Variants in SNRPC observed in about 807,000 individuals in gnomAD.
The protein encoded by SNRPC is small nuclear ribonucleoprotein polypeptide C, also known as U1 small nuclear ribonucleoprotein C.
A neutral mutation model predicts 20.0 loss-of-function variants in SNRPC; 5 were observed. That is an observed-to-expected ratio of 0.25 (90% CI 0.13 to 0.53). SNRPC has a LOEUF of 0.53. Ranked by LOEUF, SNRPC falls within the 20% of genes least tolerant of loss-of-function variation. SNRPC has a pLI of 0.96. For synonymous variants in SNRPC, 61 were observed against 58.7 expected, an observed-to-expected ratio of 1.04 and a Z score of -0.18; for missense variants, 112 against 224.1, an observed-to-expected ratio of 0.50 and a Z score of 3.19.
At chr6:34,770,922 T>C (rs1764681784) in intron 5 of SNRPC, among the ~76,000 whole-genome samples, 1 of 152,254 alleles carries the variant, frequency 6.6e-6, no homozygotes, top group African/African-American at 2.4e-5. Context: ...GTAGTTGTTT[T>C]TTTATTTAGG....
At chr6:34,769,139 G>GT (rs886213120) in intron 4 of SNRPC, among the ~76,000 whole-genome samples, 12 of 151,964 alleles carry the variant, frequency 7.9e-5, no homozygotes, top group Admixed American at 7.2e-4. Context: ...TCTCTACCTT[G>GT]ACTGGCTGGC....
chr6:34,762,119 C>G (rs1413199719), intron 2 of SNRPC, among the ~76,000 whole-genome samples: 2 of 152,032 alleles, frequency 1.3e-5, no homozygotes, highest in Non-Finnish European at 2.9e-5. Flanking sequence ...GAATGGGCAA[C>G]ATTGTGAGAC....
At chr6:34,771,817 T>G (rs2127408242) in intron 5 of SNRPC, among the ~76,000 whole-genome samples, 1 of 152,314 alleles carries the variant, frequency 6.6e-6, no homozygotes, top group South Asian at 2.1e-4. Flanking sequence ...CCTGCCTTAC[T>G]GACTTGTGAG....
At chr6:34,770,197 G>A in intron 4 of SNRPC, 94 bp from the exon 5 acceptor site, 1 of 929,858 alleles carries the variant, frequency 1.1e-6, no homozygotes, top group Non-Finnish European at 1.8e-6. Context: ...ACTCCGGCCT[G>A]GGCAACAAGA....
chr6:34,772,251 G>A (rs1764701123), intron 5 of SNRPC, among the ~76,000 whole-genome samples: 2 of 152,048 alleles, frequency 1.3e-5, no homozygotes, highest in Non-Finnish European at 2.9e-5. Context: ...ATAATAAAAA[G>A]TTTAAAAGAA....
At chr6:34,763,585 G>C (rs759388629) in intron 3 of SNRPC, among the ~76,000 whole-genome samples, 67 of 150,780 alleles carry the variant, frequency 4.4e-4, no homozygotes, top group Non-Finnish European at 7.5e-4. Context: ...GGAGGCTAAG[G>C]CAGGAGAATC....
chr6:34,773,302 C>T lies in SNRPC; in HGVS notation c.356-144C>T. On this transcript the variant is annotated intron_variant, in intron 5 of 5. Transcript: ENST00000244520. This position sits in a 1 kb window ranked among gnomAD's most constrained non-coding sequence, Gnocchi z 4.1. ...ATTTACAGATGTGATAAATTTGTTG[C>T]ATTTCTTCTGTCACGTGTGTCTTTT... is the stretch of plus-strand genomic sequence containing the variant. 1 of 632,932 alleles carries T rather than the reference C, an allele frequency of 1.6e-6. No homozygotes were observed. The highest frequency in any genetic ancestry group is 2.1e-5 in the South Asian group (1 of 46,834). The allele number at this position is 632,932 out of a possible 1,614,324, so 39.2% of individuals were successfully genotyped here.
intron 3 of SNRPC, 21 bp downstream of exon 3, chr6:34,762,724 C>A: frequency 8.1e-7 from 1 of 1,241,762 alleles, no homozygotes; most frequent in Non-Finnish European, 1.2e-6. Context: ...ATCTCTTGTT[C>A]TGCTGTGGTA....
rs1223425332 is a variant in SNRPC at position 34,767,564 on chromosome 6, C to T, written c.161-344C>T. On this transcript the variant is annotated intron_variant, in intron 3 of 5. Transcript: ENST00000244520. ...GGGAGGTCGAAGCTGCTGTGAGCTG[C>T]GGTTGTGTCCCTGCACTCCAACATG... 2.6e-5 allele frequency among the ~76,000 whole-genome samples: 4 copies of T among 152,170 alleles called. No individual in the cohort carries two copies. The South Asian group carries it at 8.3e-4, about 31-fold the overall frequency.
chr6:34,772,856 A>G (rs1764707026), intron 5 of SNRPC: 1 of 152,166 alleles, frequency 6.6e-6, no homozygotes, highest in African/African-American at 2.4e-5. Flanking sequence ...TCTGAAATGC[A>G]TTAGAAAAAT....
intron 1 of SNRPC, 80 bp downstream of exon 1, chr6:34,757,631 T>A: frequency 6.7e-7 from 1 of 1,493,620 alleles, no homozygotes; most frequent in South Asian, 1.1e-5. Context: ...CGGGTTCTGG[T>A]TTCTGAAACC....
intron 3 of SNRPC, 33 bp from the exon 4 acceptor site, chr6:34,767,875 C>CA (rs762232316): frequency 1.5e-6 from 2 of 1,343,338 alleles, no homozygotes; most frequent in East Asian, 5.3e-5. Flanking sequence ...TCTTATTCAT[C>CA]TTTTTTTTTT....
intron 2 of SNRPC, among the ~76,000 whole-genome samples, chr6:34,759,019 CAAAA>C (rs755576537): frequency 5.7e-4 from 14 of 24,640 alleles, no homozygotes; most frequent in East Asian, 1.3e-3. Flanking sequence ...GACTCCGTCT[CAAAA>C]AAAAAAAAAA....
intron 4 of SNRPC, 69 bp from the exon 5 acceptor site, chr6:34,770,222 C>CAAA: frequency 8.6e-7 from 1 of 1,161,072 alleles, no homozygotes; most frequent in African/African-American, 1.5e-5. Flanking sequence ...AACTCCGTCT[C>CAAA]AAAAAAAAAG....
chr6:34,768,491 C>T (rs967605748), intron 4 of SNRPC, among the ~76,000 whole-genome samples: 1 of 152,172 alleles, frequency 6.6e-6, no homozygotes, highest in African/African-American at 2.4e-5. Context: ...GTGGTTCACA[C>T]CTGTAATCCC....
intron 5 of SNRPC, among the ~76,000 whole-genome samples, chr6:34,771,736 T>C (rs1158040734): frequency 6.6e-6 from 1 of 152,182 alleles, no homozygotes; most frequent in Non-Finnish European, 1.5e-5. Flanking sequence ...AGTAGCTTCC[T>C]AGGCAGAAGT....
At chr6:34,765,793 C>G (rs1056959473) in intron 3 of SNRPC, among the ~76,000 whole-genome samples, 4 of 152,000 alleles carry the variant, frequency 2.6e-5, no homozygotes, top group African/African-American at 7.3e-5. Flanking sequence ...GACTGGAGTG[C>G]TGTGGTGCCA....
chr6:34,765,696 C>G (rs1764604190), intron 3 of SNRPC, among the ~76,000 whole-genome samples: 2 of 152,008 alleles, frequency 1.3e-5, no homozygotes, highest in African/African-American at 2.4e-5. Context: ...CTTCAGCCTC[C>G]CAAAGTGCTG....
Position 34,757,513 on chromosome 6 carries a change from T to C in SNRPC, c.-31T>C. 6.2e-7 allele frequency: 1 copy of C among 1,612,174 alleles called. No homozygotes were observed. Among genetic ancestry groups the C allele is most frequent in the Non-Finnish European group, 8.5e-7 (1 of 1,178,306 alleles). ...GTGCGCGTCATTTCCGGGCGTCACG[T>C]AACGGAGTGGCCAACGGCCTGCAGA... On this transcript the variant is annotated 5_prime_UTR_variant, in exon 1 of 6. Transcript: ENST00000244520.
Sources: allele counts gnomAD v4.1 joint callset (sites outside exome capture counted in the v4.1 genomes callset), GRCh38; gene constraint gnomAD v4.1.1; non-coding constraint Gnocchi (gnomAD v3.1); transcripts MANE v1.5; gene names NCBI Gene and HGNC (gene_info 2026-07-23, HGNC 2026-07-21).